AP3B1: variants seen among roughly 807,000 people sequenced by gnomAD.
AP3B1 encodes the protein AP-3 complex subunit beta-1.
A neutral mutation model predicts 132.5 loss-of-function variants in AP3B1; 61 were observed. The ratio of observed to expected loss-of-function variants is 0.46; its 90% confidence interval spans 0.37 to 0.57. The LOEUF (loss-of-function observed/expected upper bound fraction) is 0.57. Ranked by LOEUF, AP3B1 falls within the 20% of genes least tolerant of loss-of-function variation. The pLI is 0.00. For synonymous variants in AP3B1, 388 were observed against 438.3 expected (o/e 0.89, Z 1.43); for missense variants, 1,120 against 1,289.4 (o/e 0.87, Z 2.01).
chr5:78,142,065 T>A (rs1243293860), intron 14 of AP3B1, among the ~76,000 whole-genome samples: 1 of 152,218 alleles, frequency 6.6e-6, no homozygotes, highest in African/African-American at 2.4e-5. Flanking sequence ...GATAAGATCA[T>A]CAAGGTCTGC....
intron 1 of AP3B1, among the ~76,000 whole-genome samples, chr5:78,285,135 GCTACTCGGGA>G (rs1284190229): frequency 7.1e-6 from 1 of 141,374 alleles, no homozygotes; most frequent in Non-Finnish European, 1.6e-5. Flanking sequence ...TGTAGTCCCA[GCTACTCGGGA>G]GGCTGAGGCA....
intron 2 of AP3B1, among the ~76,000 whole-genome samples, chr5:78,245,637 G>A (rs1747348587): frequency 6.6e-6 from 1 of 152,068 alleles, no homozygotes; most frequent in African/African-American, 2.4e-5. Context: ...TTTGAAAGCG[G>A]GCAGTCCTTC....
chr5:78,096,772 C>T (rs1379474631), intron 21 of AP3B1, among the ~76,000 whole-genome samples: 1 of 151,616 alleles, frequency 6.6e-6, no homozygotes, highest in African/African-American at 2.4e-5. Context: ...CCCCTCCGCC[C>T]GGCAGCCGCC....
At chr5:78,285,996 C>T (rs1749263670) in intron 1 of AP3B1, among the ~76,000 whole-genome samples, 1 of 152,094 alleles carries the variant, frequency 6.6e-6, no homozygotes, top group Non-Finnish European at 1.5e-5. Context: ...TCATTTCACC[C>T]CTCTGCTCAA....
intron 22 of AP3B1, among the ~76,000 whole-genome samples, chr5:78,076,228 TTTTC>T (rs1749762550): frequency 6.6e-6 from 1 of 152,168 alleles, no homozygotes; most frequent in South Asian, 2.1e-4. Flanking sequence ...TTGAGGCAAT[TTTTC>T]TTTATTTTCC....
At chr5:78,083,797 T>G (rs572115645) in intron 22 of AP3B1, among the ~76,000 whole-genome samples, 40 of 152,288 alleles carry the variant, frequency 2.6e-4, no homozygotes, top group African/African-American at 7.7e-4. Flanking sequence ...GTGTTCTGAA[T>G]ATATAATTAA....
intron 17 of AP3B1, among the ~76,000 whole-genome samples, chr5:78,126,623 A>T (rs1166331060): frequency 1.3e-5 from 2 of 152,058 alleles, no homozygotes; most frequent in Non-Finnish European, 2.9e-5. Flanking sequence ...GGAGGGATAG[A>T]CATGTAATTG....
chr5:78,183,174 T>C (rs921464588), intron 7 of AP3B1, among the ~76,000 whole-genome samples: 1 of 152,130 alleles, frequency 6.6e-6, no homozygotes, highest in African/African-American at 2.4e-5. Flanking sequence ...CATTCACCTA[T>C]GGTAACAATG....
At chr5:78,014,102 G>A (rs1212626299) in intron 26 of AP3B1, among the ~76,000 whole-genome samples, 2 of 152,180 alleles carry the variant, frequency 1.3e-5, no homozygotes, top group Non-Finnish European at 2.9e-5. Context: ...GGCGGAGCTT[G>A]CAGTGAGCCG....
rs555847712 is a variant in AP3B1, at chr5:78,207,807, T to C, written c.786+8248A>G. 5.3e-5 allele frequency among the ~76,000 whole-genome samples: 8 copies of C among 152,298 alleles called. No homozygotes were observed. The South Asian group carries it at 1.7e-3, about 32-fold the overall frequency. ...CATTGCAGAAGAAAATTAAGTAATGTCTACAGAGTTCTCAAAAGAAGAAAA... is the reference window on the plus strand; with the variant it reads ...CATTGCAGAAGAAAATTAAGTAATGCCTACAGAGTTCTCAAAAGAAGAAAA... On this transcript the variant is annotated intron_variant, in intron 7 of 26. Transcript: ENST00000255194.
intron 7 of AP3B1, among the ~76,000 whole-genome samples, chr5:78,211,638 A>G (rs1352258713): frequency 6.6e-6 from 1 of 152,258 alleles, no homozygotes; most frequent in African/African-American, 2.4e-5. Context: ...AATAGGAAAC[A>G]TGATTTTTCT....
chr5:78,155,465 T>G (rs916483154), intron 14 of AP3B1, among the ~76,000 whole-genome samples: 2 of 152,222 alleles, frequency 1.3e-5, no homozygotes, highest in Non-Finnish European at 2.9e-5. Flanking sequence ...TGCTAAAATT[T>G]CGTGTTCTTG....
At position 78,053,694 on chromosome 5, in the gene AP3B1, A is replaced by AG. The variant is rs1481802206; in HGVS notation, c.2578-14421_2578-14420insC. On this transcript the variant is annotated intron_variant, in intron 22 of 26. Coordinates refer to ENST00000255194, the MANE Select transcript of AP3B1 (RefSeq NM_003664.5). Reference sequence around the variant, plus strand: ...ACTCCATCTCAAAAAAAAAAAAAAAAAAAGAAAGAAAAGAAAAGTCCCCCT... The same window carrying AG: ...ACTCCATCTCAAAAAAAAAAAAAAAAGAAAGAAAGAAAAGAAAAGTCCCCCT... 2.7e-3 allele frequency among the ~76,000 whole-genome samples: 255 copies of AG among 93,500 alleles called. 4 individuals are homozygous for AG. The highest frequency in any genetic ancestry group is 5.3e-3 in the African/African-American group (109 of 20,422). The allele number at this position is 93,500 out of a possible 152,430, so 61.3% of individuals were successfully genotyped here.
chr5:78,208,921 G>GA (rs1745620838), intron 7 of AP3B1, among the ~76,000 whole-genome samples: 1 of 59,960 alleles, frequency 1.7e-5, no homozygotes, highest in Admixed American at 1.8e-4. Context: ...CCTATGGATT[G>GA]AAAAAATTCT....
intron 22 of AP3B1, among the ~76,000 whole-genome samples, chr5:78,049,738 C>G (rs1339844020): frequency 6.6e-6 from 1 of 152,166 alleles, no homozygotes. Flanking sequence ...TGTTCCTACC[C>G]CTGCATCTTA....
chr5:78,287,958 C>T (rs1012524868), intron 1 of AP3B1, among the ~76,000 whole-genome samples: 1 of 152,078 alleles, frequency 6.6e-6, no homozygotes, highest in African/African-American at 2.4e-5. Flanking sequence ...AGTATGCTGA[C>T]AAAATCATGA....
At chr5:78,193,768 A>ATTTT (rs748328573) in intron 7 of AP3B1, among the ~76,000 whole-genome samples, 29 of 66,668 alleles carry the variant, frequency 4.3e-4, no homozygotes, top group African/African-American at 1.7e-3. Flanking sequence ...ATATATATAT[A>ATTTT]TATTTTTTTT....
At chr5:78,292,570 C>T (rs920980377) in intron 1 of AP3B1, among the ~76,000 whole-genome samples, 1 of 152,184 alleles carries the variant, frequency 6.6e-6, no homozygotes, top group East Asian at 1.9e-4. Context: ...AACAACCTTG[C>T]TCCAATTTCC....
At chr5:78,032,277 A>C (rs985637225) in intron 24 of AP3B1, among the ~76,000 whole-genome samples, 2 of 152,124 alleles carry the variant, frequency 1.3e-5, no homozygotes, top group African/African-American at 4.8e-5. Flanking sequence ...CTTTTGGTCC[A>C]TGTTCCCAGC....
Sources: allele counts gnomAD v4.1 joint callset (sites outside exome capture counted in the v4.1 genomes callset), GRCh38; gene constraint gnomAD v4.1.1; transcripts MANE v1.5; gene names NCBI Gene and HGNC (gene_info 2026-07-23, HGNC 2026-07-21).